ITGA8: variants seen among roughly 807,000 people sequenced by gnomAD.
The protein encoded by ITGA8 is integrin alpha-8.
ITGA8 carries 91 observed loss-of-function variants against 142.3 expected under a neutral mutation model. The ratio of observed to expected loss-of-function variants is 0.64; its 90% CI spans 0.54 to 0.76. The LOEUF is 0.76. Ranked by LOEUF, ITGA8 falls within the 30% of genes least tolerant of loss-of-function variation. The probability of loss-of-function intolerance (pLI) is 0.00; values close to 1 mark genes in which losing one functional copy is unlikely to be tolerated. For missense variants in ITGA8, 1,406 were observed against 1,327.7 expected, an observed-to-expected ratio of 1.06 and a Z score of -0.92; for synonymous variants, 505 against 485.2, an observed-to-expected ratio of 1.04 and a Z score of -0.54.
At position 15,657,509 on chromosome 10, in the gene ITGA8, C is replaced by CTTTCTTTTTTTTTTTT. The variant is rs534714654; in HGVS notation, c.948+1489_948+1490insAAAAAAAAAAAAGAAA. ...CTGCTGGTTTCTTTTTCTTTTCTTTCATTTTTTTTTTTTTTTTTTTTTAAC... is the reference window on the plus strand; with the variant it reads ...CTGCTGGTTTCTTTTTCTTTTCTTTCTTTCTTTTTTTTTTTTATTTTTTTTTTTTTTTTTTTTTAAC... On this transcript the variant is annotated intron_variant, in intron 10 of 29. Transcript: ENST00000378076. 1.2e-4 allele frequency among the ~76,000 whole-genome samples: 14 copies of CTTTCTTTTTTTTTTTT among 116,496 alleles called. 1 individual carries two copies. Among genetic ancestry groups the CTTTCTTTTTTTTTTTT allele is most frequent in the African/African-American group, 4.5e-4 (14 of 31,326 alleles). The allele number at this position is 116,496 out of a possible 152,430, so 76.4% of individuals were successfully genotyped here.
intron 25 of ITGA8, among the ~76,000 whole-genome samples, chr10:15,562,142 G>A (rs1362815581): frequency 6.6e-6 from 1 of 152,188 alleles, no homozygotes; most frequent in Non-Finnish European, 1.5e-5. Context: ...TTGTGTGGGG[G>A]CACAAAGCCT....
At chr10:15,521,815 C>T (rs1438975571) in intron 28 of ITGA8, among the ~76,000 whole-genome samples, 1 of 152,188 alleles carries the variant, frequency 6.6e-6, no homozygotes, top group Admixed American at 6.5e-5. Context: ...GCAATTCTAC[C>T]TGGATGCTGC....
At chr10:15,664,508 T>A (rs1372666230) in intron 8 of ITGA8, among the ~76,000 whole-genome samples, 1 of 125,300 alleles carries the variant, frequency 8.0e-6, no homozygotes, top group Non-Finnish European at 1.8e-5. Context: ...TTACTCTTTT[T>A]TTTTTCCACA....
chr10:15,678,990 T>C (rs9333096), intron 4 of ITGA8, among the ~76,000 whole-genome samples: 4,272 of 152,338 alleles, frequency 0.028, 186 homozygotes, highest in African/African-American at 0.098. Flanking sequence ...AGCGTTGTGA[T>C]TCTCTAGTAA....
chr10:15,572,321 C>T lies in ITGA8; in HGVS notation c.2527G>A (p.Gly843Ser), dbSNP rs1394459366. Residue 843 changes from glycine to serine, a missense_variant, in exon 25 of 30, where the codon GGC (glycine) becomes AGC (serine). Gly to Ser is a moderately conservative substitution (Grantham distance 56, BLOSUM62 0). Transcript: ENST00000378076. ...STISDTILEV[G>S]WPFSARDEFL... is the part of the protein sequence containing the mutation. ...TCATCCCGGGCAGAGAAAGGCCAGC[C>T]CACCTCCAGGATGGTGTCACTGATG... The T allele has an allele frequency of 3.7e-6, 6 of 1,614,000 alleles. No individual in the cohort carries two copies. In the South Asian group the frequency reaches 5.5e-5, roughly 15 times the overall value.
intron 2 of ITGA8, among the ~76,000 whole-genome samples, chr10:15,690,797 C>T (rs1456664070): frequency 6.6e-6 from 1 of 152,146 alleles, no homozygotes; most frequent in South Asian, 2.1e-4. Context: ...GCTGAAGAAG[C>T]TTCAGAGAAA....
chr10:15,599,132 T>G (rs896425062), intron 20 of ITGA8, among the ~76,000 whole-genome samples: 8 of 152,060 alleles, frequency 5.3e-5, no homozygotes, highest in Non-Finnish European at 8.8e-5. Flanking sequence ...ATATGTACAG[T>G]TTTTCCCCAG....
chr10:15,649,358 C>G (rs1282873772), intron 11 of ITGA8, among the ~76,000 whole-genome samples: 3 of 151,878 alleles, frequency 2.0e-5, no homozygotes, highest in Admixed American at 1.3e-4. Flanking sequence ...AGGCCAGTCA[C>G]AGTGGCTCAT....
intron 13 of ITGA8, among the ~76,000 whole-genome samples, chr10:15,621,664 C>T (rs993751646): frequency 4.6e-5 from 7 of 152,042 alleles, no homozygotes; most frequent in African/African-American, 1.4e-4. Flanking sequence ...TCCTAGGGAA[C>T]GGTCAGGCCA....
Position 15,650,287 on chromosome 10 carries a change from C to G in ITGA8, c.1002-3236G>C, listed in dbSNP as rs1432826572. Among the ~76,000 whole-genome samples the G allele has an allele frequency of 3.3e-5, 5 of 152,188 alleles. No homozygotes were observed. In the East Asian group the frequency reaches 9.6e-4, roughly 29 times the overall value. On this transcript the variant is annotated intron_variant, in intron 11 of 29. Transcript: ENST00000378076. Reference sequence around the variant, plus strand: ...TGGGTTCATGTTTTAGGCAACCTAACAGTGTGCATAAGTTACTATGCTTTT... The same window carrying G: ...TGGGTTCATGTTTTAGGCAACCTAAGAGTGTGCATAAGTTACTATGCTTTT...
At chr10:15,691,953 T>C (rs1042578559) in intron 2 of ITGA8, among the ~76,000 whole-genome samples, 1 of 152,206 alleles carries the variant, frequency 6.6e-6, no homozygotes, top group African/African-American at 2.4e-5. Context: ...ACAATTTTTT[T>C]TGAGACAGGG....
chr10:15,710,947 A>G (rs1835352553), intron 2 of ITGA8, among the ~76,000 whole-genome samples: 1 of 152,168 alleles, frequency 6.6e-6, no homozygotes, highest in Non-Finnish European at 1.5e-5. Context: ...TTGCAATATC[A>G]TATTCAAATT....
At chr10:15,633,257 A>G (rs1025479569) in intron 13 of ITGA8, among the ~76,000 whole-genome samples, 2 of 152,162 alleles carry the variant, frequency 1.3e-5, no homozygotes, top group Non-Finnish European at 2.9e-5. Context: ...TGAAAAAACT[A>G]GGAAGCATTT....
intron 24 of ITGA8, among the ~76,000 whole-genome samples, chr10:15,574,225 T>G (rs1834240029): frequency 6.6e-6 from 1 of 152,228 alleles, no homozygotes; most frequent in Non-Finnish European, 1.5e-5. Flanking sequence ...GAAAAGAACA[T>G]CAGCTCCTTT....
rs116790082 is a variant in ITGA8, at chr10:15,642,823, G to T, written c.1399+1207C>A. ...CCCAGAGGAGAGAAGAAAGCCAAAG[G>T]CCTGAAATTAATGATGTATATTTAG... is the stretch of plus-strand genomic sequence containing the variant. On this transcript the variant is annotated intron_variant, in intron 13 of 29. Transcript: ENST00000378076. Among the ~76,000 whole-genome samples, 898 of 152,226 alleles carry T rather than the reference G, an allele frequency of 5.9e-3. 13 individuals carry two copies. Among genetic ancestry groups the T allele is most frequent in the African/African-American group, 0.021 (858 of 41,546 alleles).
At chr10:15,591,356 T>C (rs1036666313) in intron 22 of ITGA8, among the ~76,000 whole-genome samples, 1 of 150,310 alleles carries the variant, frequency 6.7e-6, no homozygotes, top group Non-Finnish European at 1.5e-5. Context: ...GACATCTTAC[T>C]ACACATATTT....
chr10:15,688,165 T>G (rs934198216), intron 2 of ITGA8, 127 bp from the exon 3 acceptor site: 4 of 670,066 alleles, frequency 6.0e-6, no homozygotes, highest in African/African-American at 1.8e-5. Flanking sequence ...CCAAAAAAAT[T>G]GAAAAGAGGC....
intron 13 of ITGA8, among the ~76,000 whole-genome samples, chr10:15,632,296 A>G (rs1170144985): frequency 1.3e-5 from 2 of 152,220 alleles, no homozygotes; most frequent in Non-Finnish European, 2.9e-5. Flanking sequence ...AGATGGAGGT[A>G]CTCAGAGGTT....
In ITGA8 at chr10:15,643,434, C is replaced by T. The variant is rs992655627; in HGVS notation, c.1399+596G>A. Among the ~76,000 whole-genome samples the T allele has an allele frequency of 2.6e-5, 4 of 152,252 alleles. No homozygotes were observed. The South Asian group carries it at 6.2e-4, about 24-fold the overall frequency. ...AACTGGGACTACAGGCATGCATCAC[C>T]ATGCCCAGCTAATTTTTGTATTATT... On this transcript the variant is annotated intron_variant, in intron 13 of 29. Coordinates refer to ENST00000378076, the MANE Select transcript of ITGA8 (RefSeq NM_003638.3).
Sources: gnomAD v4.1 joint callset for allele counts (sites outside exome capture counted in the v4.1 genomes callset) on GRCh38, gnomAD v4.1.1 for gene constraint, MANE v1.5 for transcripts, NCBI Gene and HGNC (gene_info 2026-07-23, HGNC 2026-07-21) for gene names.